The following ZNF717 variants were observed in gnomAD, a reference collection of about 807,000 sequenced individuals.
The protein encoded by ZNF717 is zinc finger protein 717.
ZNF717 carries 9 observed loss-of-function variants against 13.8 expected under a neutral mutation model. That is an observed-to-expected ratio of 0.65 (90% CI 0.39 to 1.14). The LOEUF is 1.14. ZNF717 is among the 50% of genes most tolerant of loss of function. The pLI is 0.01. For synonymous variants in ZNF717, 327 were observed against 364.1 expected (o/e 0.90, Z 1.16); for missense variants, 1,040 against 1,080.7 (o/e 0.96, Z 0.53).
chr3:75,781,487 G>T (rs545958748), intron 2 of ZNF717, among the ~76,000 whole-genome samples: 1 of 152,128 alleles, frequency 6.6e-6, no homozygotes, highest in Non-Finnish European at 1.5e-5. Context: ...TAACACAGAA[G>T]AATTTCCAGA....
At chr3:75,754,914 A>T (rs892540978) in intron 2 of ZNF717, among the ~76,000 whole-genome samples, 2 of 152,216 alleles carry the variant, frequency 1.3e-5, no homozygotes, top group Non-Finnish European at 2.9e-5. Flanking sequence ...TATGAAATAA[A>T]AGACAAAGGA....
At chr3:75,775,991 T>C (rs1242068381) in intron 2 of ZNF717, among the ~76,000 whole-genome samples, 3 of 151,478 alleles carry the variant, frequency 2.0e-5, no homozygotes, top group East Asian at 1.9e-4. Flanking sequence ...AATACTGAAA[T>C]TGTTTAGACA....
In ZNF717 at chr3:75,777,258, G is replaced by C. The variant is rs143210893; in HGVS notation, c.57+6048C>G. ...AGAAACCCAAAACAATGGGAGTGAC[G>C]TGCTAAACCAAAAACCCAAAACAAT... On this transcript the variant is annotated intron_variant, in intron 2 of 4. Transcript: ENST00000652011. Among the ~76,000 whole-genome samples the C allele has an allele frequency of 6.1e-3, 907 of 147,800 alleles. 7 individuals carry two copies. The highest frequency in any genetic ancestry group is 0.014 in the South Asian group (62 of 4,554).
chr3:75,733,821 C>T (rs1375454072), downstream of ZNF717, among the ~76,000 whole-genome samples: 3 of 134,948 alleles, frequency 2.2e-5, no homozygotes, highest in Non-Finnish European at 4.7e-5. Context: ...CATCTCAGAA[C>T]CATGAAAGTA....
At chr3:75,784,908 G>T (rs983619302) in intron 1 of ZNF717, 2 of 152,160 alleles carry the variant, frequency 1.3e-5, no homozygotes, top group African/African-American at 4.8e-5. Context: ...GGTTAAGACT[G>T]AAGTACCCTT....
At chr3:75,758,112 C>CAAAA (rs111361124) in intron 2 of ZNF717, among the ~76,000 whole-genome samples, 8 of 64,550 alleles carry the variant, frequency 1.2e-4, no homozygotes, top group East Asian at 5.1e-4. Context: ...GACTCCATCT[C>CAAAA]AAAAAAAAAA....
intron 1 of ZNF717, 140 bp from the exon 2 acceptor site, chr3:75,783,504 A>G: frequency 1.6e-6 from 1 of 626,248 alleles, no homozygotes; most frequent in South Asian, 2.2e-5. Context: ...CCATGGGAGA[A>G]GAGTCCTTCA....
chr3:75,769,517 G>A (rs996843214), intron 2 of ZNF717, among the ~76,000 whole-genome samples: 1 of 152,174 alleles, frequency 6.6e-6, no homozygotes, highest in African/African-American at 2.4e-5. Context: ...AGCCAGCAAG[G>A]TTACTGGTAT....
chr3:75,729,254 C>A (rs1175352777), downstream of ZNF717, among the ~76,000 whole-genome samples: 2 of 152,218 alleles, frequency 1.3e-5, no homozygotes, highest in Non-Finnish European at 2.9e-5. Flanking sequence ...GGGAGGGGAA[C>A]AATCAGATAT....
intron 5 of ZNF717, among the ~76,000 whole-genome samples, chr3:75,715,934 A>G (rs1190362105): frequency 2.6e-5 from 4 of 151,716 alleles, no homozygotes; most frequent in African/African-American, 9.7e-5. Context: ...AGCATGCCTT[A>G]ATGTTTGAGA....
chr3:75,724,802 AC>A (rs139676228), intron 4 of ZNF717, among the ~76,000 whole-genome samples: 1 of 150,510 alleles, frequency 6.6e-6, no homozygotes, highest in Non-Finnish European at 1.5e-5. Context: ...GAGAACAAAA[AC>A]AAGCGAAAAA....
chr3:75,708,517 A>G (rs1262718453), downstream of ZNF717, among the ~76,000 whole-genome samples: 1 of 151,816 alleles, frequency 6.6e-6, no homozygotes, highest in Admixed American at 6.6e-5. Flanking sequence ...AAGATGGGGA[A>G]AAAACACAGC....
intron 2 of ZNF717, among the ~76,000 whole-genome samples, chr3:75,778,181 T>C (rs1303958934): frequency 0.013 from 984 of 76,756 alleles, no homozygotes; most frequent in Middle Eastern, 0.04. Context: ...CCTGCTAAAC[T>C]AGAAACCCAA....
intron 2 of ZNF717, among the ~76,000 whole-genome samples, chr3:75,763,747 G>A (rs1943215426): frequency 6.6e-6 from 1 of 152,162 alleles, no homozygotes; most frequent in Non-Finnish European, 1.5e-5. Context: ...GAAACACCTA[G>A]GAAGAAGGAA....
At chr3:75,695,277 G>A (rs79449854) in intron 6 of ZNF717, among the ~76,000 whole-genome samples, 5 of 152,244 alleles carry the variant, frequency 3.3e-5, no homozygotes, top group African/African-American at 9.6e-5. Flanking sequence ...CAATTCAAGA[G>A]GATATAATAA....
intron 2 of ZNF717, among the ~76,000 whole-genome samples, chr3:75,769,891 T>C (rs930957287): frequency 6.6e-6 from 1 of 152,254 alleles, no homozygotes; most frequent in Non-Finnish European, 1.5e-5. Context: ...ACTATAAACA[T>C]ATATTGTATA....
downstream of ZNF717, among the ~76,000 whole-genome samples, chr3:75,731,210 C>G (rs1392559289): frequency 6.6e-6 from 1 of 152,122 alleles, no homozygotes; most frequent in Non-Finnish European, 1.5e-5. Context: ...AACCCCATCT[C>G]TACTAAAAAT....
intron 2 of ZNF717, among the ~76,000 whole-genome samples, chr3:75,748,942 C>A (rs1469098277): frequency 2.6e-5 from 4 of 152,170 alleles, no homozygotes; most frequent in African/African-American, 9.6e-5. Flanking sequence ...CATAAGATTC[C>A]AGAACACTAC....
intron 4 of ZNF717, among the ~76,000 whole-genome samples, chr3:75,719,825 G>A (rs1376528265): frequency 6.6e-6 from 1 of 152,006 alleles, no homozygotes; most frequent in African/African-American, 2.4e-5. Context: ...GGGCATGGTG[G>A]TGCATGTCTG....
Sources: gnomAD v4.1 joint callset for allele counts (sites outside exome capture counted in the v4.1 genomes callset) on GRCh38, gnomAD v4.1.1 for gene constraint, MANE v1.5 for transcripts, NCBI Gene and HGNC (gene_info 2026-07-23, HGNC 2026-07-21) for gene names.